Variants in ELFN2 observed in about 807,000 individuals in gnomAD.
The protein encoded by ELFN2 is extracellular leucine rich repeat and fibronectin type III domain containing 2.
In ELFN2, 17 loss-of-function variants were observed where a neutral mutation model predicts 45.5. The ratio of observed to expected loss-of-function variants is 0.37; its 90% CI spans 0.26 to 0.56. ELFN2 has a LOEUF of 0.56. Among genes scored for constraint, ELFN2 ranks in the 20% least tolerant of loss-of-function variants. The probability of loss-of-function intolerance (pLI) is 0.77; values close to 1 mark genes in which losing one functional copy is unlikely to be tolerated. For synonymous variants in ELFN2, 550 were observed against 551.5 expected (o/e 1.00, Z 0.04); for missense variants, 922 against 1,183.2 (o/e 0.78, Z 3.24).
intron 1 of ELFN2, among the ~76,000 whole-genome samples, chr22:37,419,145 ACTCGGGC>A (rs1262185000): frequency 6.7e-6 from 1 of 148,604 alleles, no homozygotes; most frequent in East Asian, 2.0e-4. Flanking sequence ...ATAAACACAC[ACTCGGGC>A]CTCCCTTCCC....
In ELFN2 at chr22:37,373,702, G is replaced by A. The variant is rs1931460717; in HGVS notation, c.1833C>T (p.His611=). Residue 611 remains histidine (H), a synonymous_variant, in exon 3 of 3, where the codon CAC becomes CAT. Transcript: ENST00000402918. ...CGCTCAGCTGGCGCTGTAGTGGGTG[G>A]TGGGAGCTCTCCTTGTAGGGAGGCG... is the stretch of plus-strand genomic sequence containing the variant. ...FLSPPYKESS[H]HPLQRQLSAD... The A allele has an allele frequency of 6.4e-7, 1 of 1,557,384 alleles. No individual in the cohort carries two copies. The highest frequency in any genetic ancestry group is 8.6e-7 in the Non-Finnish European group (1 of 1,157,036).
At chr22:37,390,654 G>T (rs995220732) in intron 2 of ELFN2, among the ~76,000 whole-genome samples, 1 of 152,182 alleles carries the variant, frequency 6.6e-6, no homozygotes, top group Non-Finnish European at 1.5e-5. Flanking sequence ...GATCAGTAGA[G>T]ACTATAAATA....
intron 1 of ELFN2, among the ~76,000 whole-genome samples, chr22:37,359,502 C>A (rs1003503312): frequency 6.6e-6 from 1 of 152,262 alleles, no homozygotes; most frequent in African/African-American, 2.4e-5. Context: ...GTATCTGCAA[C>A]ACTGTCGCAG....
chr22:37,374,788 C>T lies in ELFN2; in HGVS notation c.747G>A (p.Ser249=), dbSNP rs907933429. 18 of 1,606,492 alleles carry T rather than the reference C, an allele frequency of 1.1e-5. No individual in the cohort carries two copies. The highest frequency in any genetic ancestry group is 3.3e-5 in the South Asian group (3 of 91,028). The change falls in exon 3 of 3, where the codon TCG becomes TCA. Residue 249 remains serine, a synonymous_variant. Coordinates refer to ENST00000402918, the MANE Select transcript of ELFN2 (RefSeq NM_052906.5). The part of the protein sequence containing the change: ...TVLQAKCRNG[S]LPARPVSHPT... Reference sequence around the variant, plus strand: ...GGTGGCTCACGGGCCGGGCGGGCAGCGAGCCATTCCGACACTTGGCCTGGA... The same window carrying T: ...GGTGGCTCACGGGCCGGGCGGGCAGTGAGCCATTCCGACACTTGGCCTGGA...
At chr22:37,405,010 A>G (rs1932459132) in intron 2 of ELFN2, among the ~76,000 whole-genome samples, 1 of 151,528 alleles carries the variant, frequency 6.6e-6, no homozygotes, top group African/African-American at 2.4e-5. Context: ...ACTGGGCCTC[A>G]GGCCCTGGGC....
intron 1 of ELFN2, among the ~76,000 whole-genome samples, chr22:37,355,292 C>T (rs1287578885): frequency 1.3e-5 from 2 of 152,238 alleles, no homozygotes; most frequent in East Asian, 3.8e-4. Flanking sequence ...TTTGCCTGTT[C>T]TGCTCTTCCC....
chr22:37,395,812 C>G (rs1932200310), intron 2 of ELFN2, among the ~76,000 whole-genome samples: 1 of 152,124 alleles, frequency 6.6e-6, no homozygotes, highest in South Asian at 2.1e-4. Flanking sequence ...AGGGCATCAC[C>G]AAGGGAGGCC....
intron 2 of ELFN2, among the ~76,000 whole-genome samples, chr22:37,380,244 C>T (rs776875183): frequency 6.6e-6 from 1 of 152,216 alleles, no homozygotes; most frequent in Non-Finnish European, 1.5e-5. Flanking sequence ...CAGAGCGAGG[C>T]CAGCTGGGGA....
chr22:37,393,442 C>G (rs935143265), intron 2 of ELFN2, among the ~76,000 whole-genome samples: 2 of 152,212 alleles, frequency 1.3e-5, no homozygotes, highest in Non-Finnish European at 2.9e-5. Flanking sequence ...TGGCTTGGGC[C>G]TGGCAGACCA....
At chr22:37,403,406 C>T (rs900569763) in intron 2 of ELFN2, among the ~76,000 whole-genome samples, 1 of 96,414 alleles carries the variant, frequency 1.0e-5, no homozygotes, top group Non-Finnish European at 2.1e-5. Context: ...CCATGCAAGG[C>T]GAGCGAGGGG....
downstream of ELFN2, among the ~76,000 whole-genome samples, chr22:37,365,549 G>A (rs1190531306): frequency 6.6e-6 from 1 of 152,078 alleles, no homozygotes. Context: ...CAGATATCTT[G>A]GAAAAAAAGA....
intron 2 of ELFN2, among the ~76,000 whole-genome samples, chr22:37,386,873 C>T (rs968276941): frequency 6.6e-6 from 1 of 152,212 alleles, no homozygotes; most frequent in East Asian, 1.9e-4. Context: ...TGCCACCTCA[C>T]CCCGTGGTCC....
intron 2 of ELFN2, among the ~76,000 whole-genome samples, chr22:37,390,043 C>T (rs1932051073): frequency 6.6e-6 from 1 of 152,178 alleles, no homozygotes; most frequent in Non-Finnish European, 1.5e-5. Context: ...AACATTCAGA[C>T]TTAGATGAGT....
chr22:37,408,930 A>C (rs1932577294), intron 2 of ELFN2, among the ~76,000 whole-genome samples: 1 of 152,044 alleles, frequency 6.6e-6, no homozygotes, highest in South Asian at 2.1e-4. Context: ...ATTCCCTTTG[A>C]CTCTGTGAAT....
downstream of ELFN2, chr22:37,367,937 A>G (rs1421636083): frequency 6.6e-6 from 1 of 152,608 alleles, no homozygotes; most frequent in Admixed American, 6.5e-5. Context: ...TGTGGGAGGA[A>G]TACAGCATAG....
chr22:37,420,365 C>G (rs1351097770), intron 1 of ELFN2: 1 of 152,440 alleles, frequency 6.6e-6, no homozygotes, highest in Non-Finnish European at 1.5e-5. Context: ...TGGACCATAT[C>G]GAGCCACCGC....
chr22:37,358,610 C>T (rs1218920844), intron 1 of ELFN2, among the ~76,000 whole-genome samples: 1 of 152,228 alleles, frequency 6.6e-6, no homozygotes, highest in African/African-American at 2.4e-5. Context: ...GTCCCGTGGC[C>T]ATTCCTAAGC....
intron 2 of ELFN2, among the ~76,000 whole-genome samples, chr22:37,394,541 C>T (rs1744708661): frequency 6.6e-6 from 1 of 152,216 alleles, no homozygotes; most frequent in African/African-American, 2.4e-5. Context: ...AGTGTCCAGC[C>T]CCCGTGGACC....
chr22:37,363,697 G>T (rs1191724938), downstream of ELFN2, among the ~76,000 whole-genome samples: 1 of 152,166 alleles, frequency 6.6e-6, no homozygotes, highest in African/African-American at 2.4e-5. Context: ...TTGGGCCCTA[G>T]GAGTCTAGCC....
Sources: allele counts gnomAD v4.1 joint callset (sites outside exome capture counted in the v4.1 genomes callset), GRCh38; gene constraint gnomAD v4.1.1; transcripts MANE v1.5; gene names NCBI Gene and HGNC (gene_info 2026-07-23, HGNC 2026-07-21).